The following LINGO1 variants were observed in gnomAD, a reference collection of about 807,000 sequenced individuals.
LINGO1 encodes the protein leucine-rich repeat and immunoglobulin-like domain-containing nogo receptor-interacting protein 1.
A neutral mutation model predicts 37.3 loss-of-function variants in LINGO1; 11 were observed. The ratio of observed to expected loss-of-function variants is 0.29; its 90% confidence interval spans 0.19 to 0.49. The LOEUF (loss-of-function observed/expected upper bound fraction) is 0.49. Among genes scored for constraint, LINGO1 ranks in the 20% least tolerant of loss-of-function variants. LINGO1 has a pLI of 0.99. For synonymous variants in LINGO1, 387 were observed against 403.0 expected (o/e 0.96, Z 0.48); for missense variants, 585 against 878.2 (o/e 0.67, Z 4.22).
chr15:77,675,439 G>A (rs2075311471), intron 3 of LINGO1, among the ~76,000 whole-genome samples: 2 of 152,198 alleles, frequency 1.3e-5, no homozygotes. Flanking sequence ...TACAAGGGAT[G>A]TAAAAGGGTG....
At chr15:77,651,296 C>G (rs191298752) in intron 3 of LINGO1, 28 of 152,316 alleles carry the variant, frequency 1.8e-4, no homozygotes, top group Non-Finnish European at 4.0e-4. Flanking sequence ...CATGGAAGCT[C>G]TAAGGAGGCG....
At chr15:77,775,857 G>A (rs1182701239) in intron 1 of LINGO1, among the ~76,000 whole-genome samples, 1 of 152,150 alleles carries the variant, frequency 6.6e-6, no homozygotes, top group East Asian at 1.9e-4. Flanking sequence ...ACCCCACACA[G>A]CAGCGGGCAC....
intron 3 of LINGO1, among the ~76,000 whole-genome samples, chr15:77,643,569 C>G (rs2141116017): frequency 6.6e-6 from 1 of 152,302 alleles, no homozygotes; most frequent in Non-Finnish European, 1.5e-5. Flanking sequence ...TGGCCTGCCA[C>G]CCCCTTCCCT....
Position 77,768,364 on chromosome 15 carries a change from TTTC to T in LINGO1, c.-257+18502_-257+18504del, listed in dbSNP as rs372978740. ...GCCCCCGCCAGAGGCCTCCTGAACT[TTTC>T]TTTCTATTTTTCATGTAACAAATAT... On this transcript the variant is annotated intron_variant, in intron 1 of 3. Coordinates refer to the LINGO1 transcript ENST00000561686. 4.1e-3 allele frequency among the ~76,000 whole-genome samples: 629 copies of T among 152,234 alleles called. 4 individuals carry two copies. Among genetic ancestry groups the T allele is most frequent in the African/African-American group, 0.014 (599 of 41,518 alleles).
At position 77,632,357 on chromosome 15, in the gene LINGO1, C is replaced by T. The variant is rs2074282409; in HGVS notation, c.-42G>A. 1 of 1,407,664 alleles carries T rather than the reference C, an allele frequency of 7.1e-7. No individual in the cohort carries two copies. The highest frequency in any genetic ancestry group is 1.5e-5 in the African/African-American group (1 of 67,202). 87.2% of individuals were successfully genotyped at this position (1,407,664 alleles called of 1,614,324 possible). ...GTCCGCTCGGCTCGGTCACCAATCG[C>T]ATGTCTCTCCAGCCGGCCCGACCAG... is the stretch of plus-strand genomic sequence containing the variant. On this transcript the variant is annotated 5_prime_UTR_variant, in exon 1 of 2. It removes an upstream start codon present in the reference 5' UTR. Coordinates refer to ENST00000355300, the MANE Select transcript of LINGO1 (RefSeq NM_032808.7). The surrounding 1 kb of genome is among the most constrained non-coding windows in gnomAD (Gnocchi z 6.0).
At chr15:77,793,798 G>C (rs2076836393) in intron 2 of LINGO1, among the ~76,000 whole-genome samples, 1 of 152,216 alleles carries the variant, frequency 6.6e-6, no homozygotes, top group Admixed American at 6.5e-5. Context: ...AGTAAGTACA[G>C]CTTGATCCCA....
chr15:77,790,713 G>A (rs1234333954), upstream of LINGO1, among the ~76,000 whole-genome samples: 1 of 152,200 alleles, frequency 6.6e-6, no homozygotes, highest in Admixed American at 6.5e-5. Context: ...TTGGGGGGGT[G>A]GAAAAGGAGA....
chr15:77,761,151 G>A (rs1044522309), intron 1 of LINGO1, among the ~76,000 whole-genome samples: 5 of 151,536 alleles, frequency 3.3e-5, no homozygotes, highest in African/African-American at 1.2e-4. Context: ...GCCCAAGCTG[G>A]TCTCGAACTG....
chr15:77,702,743 A>C (rs943019968), intron 2 of LINGO1, among the ~76,000 whole-genome samples: 5 of 151,950 alleles, frequency 3.3e-5, no homozygotes, highest in African/African-American at 1.2e-4. Context: ...ACACACACAC[A>C]CCAATGGCTA....
intron 3 of LINGO1, chr15:77,667,745 T>C (rs1403344973): frequency 2.0e-5 from 3 of 152,198 alleles, no homozygotes; most frequent in Non-Finnish European, 1.5e-5. Context: ...GTCAATATTA[T>C]TGCCTCCTGC....
intron 2 of LINGO1, among the ~76,000 whole-genome samples, chr15:77,725,841 G>C (rs1281411365): frequency 6.6e-6 from 1 of 152,194 alleles, no homozygotes; most frequent in African/African-American, 2.4e-5. Context: ...TTGAAAGAGA[G>C]CTGGTCTGAG....
intron 1 of LINGO1, among the ~76,000 whole-genome samples, chr15:77,745,582 T>C (rs1236556150): frequency 1.3e-5 from 2 of 152,166 alleles, no homozygotes; most frequent in East Asian, 3.8e-4. Context: ...CAAATGTCCT[T>C]TCTTCAGTGA....
At chr15:77,761,679 C>A (rs748322452) in intron 1 of LINGO1, among the ~76,000 whole-genome samples, 1 of 152,204 alleles carries the variant, frequency 6.6e-6, no homozygotes, top group Admixed American at 6.5e-5. Context: ...ACAGGAGTTG[C>A]AGAAGAAAAG....
chr15:77,767,932 C>G lies in LINGO1; in HGVS notation c.-257+18937G>C, dbSNP rs117844359. On this transcript the variant is annotated intron_variant, in intron 1 of 3. Transcript: ENST00000561686. Reference sequence around the variant, plus strand: ...CTGAAAAAGGAAAACCAAAAAGCAGCAAATAAGCCAGTTATTTAGACGTAG... The same window carrying G: ...CTGAAAAAGGAAAACCAAAAAGCAGGAAATAAGCCAGTTATTTAGACGTAG... Among the ~76,000 whole-genome samples, 875 of 152,284 alleles carry G rather than the reference C, an allele frequency of 5.7e-3. 7 individuals carry two copies. The highest frequency in any genetic ancestry group is 0.014 in the South Asian group (69 of 4,826).
At chr15:77,755,325 A>C (rs1022910876) in intron 1 of LINGO1, among the ~76,000 whole-genome samples, 1 of 152,238 alleles carries the variant, frequency 6.6e-6, no homozygotes, top group Non-Finnish European at 1.5e-5. Flanking sequence ...TGGGGTCAAC[A>C]GGCTCCAGCC....
At position 77,738,747 on chromosome 15, in the gene LINGO1, T is replaced by TGAAGGAAGGAGGGAAGGAAGGAAGGAAG. The variant is rs1306984833; in HGVS notation, c.-256-3695_-256-3694insCTTCCTTCCTTCCTTCCCTCCTTCCTTC. Among the ~76,000 whole-genome samples the TGAAGGAAGGAGGGAAGGAAGGAAGGAAG allele has an allele frequency of 1.7e-4, 19 of 110,834 alleles. 1 individual carries two copies. The highest frequency in any genetic ancestry group is 2.1e-4 in the African/African-American group (6 of 28,752). 72.7% of individuals were successfully genotyped at this position (110,834 alleles called of 152,430 possible). A position where few individuals can be genotyped will look rare whatever the true frequency, so the allele number is the denominator to read the frequency against. On this transcript the variant is annotated intron_variant, in intron 1 of 3. Transcript: ENST00000561686. The stretch of plus-strand genomic sequence containing the variant: ...CAGGAGACAGTCAATACATATTTGC[T>TGAAGGAAGGAGGGAAGGAAGGAAGGAAG]GAAGGAAGGAAGGAAGGAAGGAAGG...
upstream of LINGO1, among the ~76,000 whole-genome samples, chr15:77,787,665 C>T (rs1166176382): frequency 6.6e-6 from 1 of 152,096 alleles, no homozygotes; most frequent in African/African-American, 2.4e-5. Context: ...CCTTTGCCAC[C>T]CCATCCCACA....
Position 77,713,210 on chromosome 15 carries a change from TTGTGTGTGTGTGTGTGTGTG to T in LINGO1, c.-195+21762_-195+21781del, listed in dbSNP as rs57831674. Among the ~76,000 whole-genome samples, 14 of 123,802 alleles carry T rather than the reference TTGTGTGTGTGTGTGTGTGTG, an allele frequency of 1.1e-4. No individual in the cohort carries two copies. The East Asian group carries it at 1.3e-3, about 12-fold the overall frequency. The allele number at this position is 123,802 out of a possible 152,430, so 81.2% of individuals were successfully genotyped here. ...GGCACACACCACCATGCCCAGCTAA[TTGTGTGTGTGTGTGTGTGTG>T]TGTGTGTGTGTGTGTGTGTGTGTGT... On this transcript the variant is annotated intron_variant, in intron 2 of 3. Coordinates refer to the LINGO1 transcript ENST00000561686.
upstream of LINGO1, among the ~76,000 whole-genome samples, chr15:77,789,810 A>C (rs1257903587): frequency 6.6e-6 from 1 of 151,816 alleles, no homozygotes; most frequent in Non-Finnish European, 1.5e-5. Flanking sequence ...TTTTTGAGAC[A>C]GGGAATTGCT....
Sources: allele counts gnomAD v4.1 joint callset (sites outside exome capture counted in the v4.1 genomes callset), GRCh38; gene constraint gnomAD v4.1.1; non-coding constraint Gnocchi (gnomAD v3.1); transcripts MANE v1.5; gene names NCBI Gene and HGNC (gene_info 2026-07-23, HGNC 2026-07-21).